TRPM3: variants seen among roughly 807,000 people sequenced by gnomAD.
The protein encoded by TRPM3 is long transient receptor potential channel 3.
In TRPM3, 77 loss-of-function variants were observed where a neutral mutation model predicts 181.2. The ratio of observed to expected loss-of-function variants is 0.42; its 90% CI spans 0.35 to 0.51. The LOEUF is 0.51. Ranked by LOEUF, TRPM3 falls within the 20% of genes least tolerant of loss-of-function variation. TRPM3 has a pLI of 0.01. For missense variants in TRPM3, 1,759 were observed against 2,196.7 expected (o/e 0.80, Z 3.98); for synonymous variants, 745 against 796.4 (o/e 0.94, Z 1.09).
At chr9:71,136,520 C>A (rs192764454) in intron 1 of TRPM3, among the ~76,000 whole-genome samples, 1 of 152,178 alleles carries the variant, frequency 6.6e-6, no homozygotes, top group African/African-American at 2.4e-5. Context: ...CCTACTTCTT[C>A]GCAATCATAC....
chr9:71,059,405 C>G (rs561819), intron 1 of TRPM3, among the ~76,000 whole-genome samples: 76,988 of 151,788 alleles, frequency 0.51, 20,906 homozygotes, highest in African/African-American at 0.71. Flanking sequence ...GACCAAAGGA[C>G]CTAACAGTCT....
At chr9:70,777,565 T>A (rs115341753) in intron 7 of TRPM3, among the ~76,000 whole-genome samples, 2 of 152,296 alleles carry the variant, frequency 1.3e-5, no homozygotes, top group African/African-American at 4.8e-5. Flanking sequence ...CAGGTGGCAA[T>A]ATATCTATGT....
Position 70,576,792 on chromosome 9 carries a change from C to T in TRPM3, c.3223+14239G>A, listed in dbSNP as rs140661480. 5.1e-3 allele frequency among the ~76,000 whole-genome samples: 778 copies of T among 152,242 alleles called. 7 individuals carry two copies. Among genetic ancestry groups the T allele is most frequent in the African/African-American group, 0.016 (683 of 41,524 alleles). On this transcript the variant is annotated intron_variant, in intron 22 of 25. Coordinates refer to ENST00000677713, the MANE Select transcript of TRPM3 (RefSeq NM_001366145.2). ...CCTCCCAAAGTGCTGGGATTACAGG[C>T]GTGAGCCACCACACCCGGCCGCTGC...
chr9:71,406,942 T>A (rs573184788), intron 1 of TRPM3, among the ~76,000 whole-genome samples: 5 of 152,278 alleles, frequency 3.3e-5, no homozygotes, highest in African/African-American at 1.2e-4. Flanking sequence ...GAAGCTCTGA[T>A]CCACACTGAA....
chr9:71,286,921 G>C (rs113650304), intron 1 of TRPM3, among the ~76,000 whole-genome samples: 22 of 141,954 alleles, frequency 1.5e-4, no homozygotes, highest in African/African-American at 5.7e-4. Flanking sequence ...CTTTGACCAC[G>C]ATATACTTTT....
intron 1 of TRPM3, among the ~76,000 whole-genome samples, chr9:71,257,285 G>A (rs2082731381): frequency 6.6e-6 from 1 of 152,130 alleles, no homozygotes; most frequent in African/African-American, 2.4e-5. Flanking sequence ...AGAGAGTTGG[G>A]AGAATATGGC....
chr9:71,231,301 T>C (rs2081033638), intron 1 of TRPM3, among the ~76,000 whole-genome samples: 1 of 152,166 alleles, frequency 6.6e-6, no homozygotes, highest in South Asian at 2.1e-4. Context: ...TAAGAGAATC[T>C]GAGTCAAAGA....
At chr9:70,989,388 A>G (rs965672185) in intron 1 of TRPM3, among the ~76,000 whole-genome samples, 3 of 152,216 alleles carry the variant, frequency 2.0e-5, no homozygotes, top group Non-Finnish European at 4.4e-5. Flanking sequence ...AGTTTGTAAT[A>G]AATCCTCTAC....
chr9:71,109,549 T>C (rs1428943134), intron 1 of TRPM3, among the ~76,000 whole-genome samples: 2 of 152,228 alleles, frequency 1.3e-5, no homozygotes, highest in Admixed American at 1.3e-4. Flanking sequence ...TTTTTATTAT[T>C]TCAATTTATA....
chr9:71,440,108 A>G (rs1359001655), intron 1 of TRPM3, among the ~76,000 whole-genome samples: 3 of 152,088 alleles, frequency 2.0e-5, no homozygotes, highest in Admixed American at 1.3e-4. Context: ...GGGTGACACA[A>G]TGAGACTCCA....
chr9:70,630,934 G>A (rs146322960), intron 12 of TRPM3, among the ~76,000 whole-genome samples: 212 of 149,850 alleles, frequency 1.4e-3, no homozygotes, highest in Middle Eastern at 0.01. Flanking sequence ...CTTCAAAATG[G>A]TTGGGGTTTT....
intron 1 of TRPM3, among the ~76,000 whole-genome samples, chr9:71,379,705 T>TA (rs1380600559): frequency 1.9e-4 from 23 of 121,912 alleles, no homozygotes; most frequent in Non-Finnish European, 3.0e-4. Flanking sequence ...ATCTTTTTTT[T>TA]TAATTCAAAT....
intron 4 of TRPM3, among the ~76,000 whole-genome samples, chr9:70,845,312 T>A (rs984602015): frequency 5.9e-5 from 9 of 152,172 alleles, no homozygotes; most frequent in African/African-American, 2.2e-4. Flanking sequence ...TGATCTTGGC[T>A]CACTGCAGCC....
In TRPM3 at chr9:70,631,361, CTTTTTT is replaced by C. The variant is rs11285828; in HGVS notation, c.1632+3844_1632+3849del. Among the ~76,000 whole-genome samples the C allele has an allele frequency of 1.2e-4, 17 of 136,846 alleles. 1 individual carries two copies. The highest frequency in any genetic ancestry group is 1.5e-4 in the Admixed American group (2 of 13,582). The allele number at this position is 136,846 out of a possible 152,430, so 89.8% of individuals were successfully genotyped here. ...CTTACCCAAAGTGTGTCTGAAATGC[CTTTTTT>C]TTTTTTTTTTTTTATTCTGAAAAGC... On this transcript the variant is annotated intron_variant, in intron 12 of 25. Coordinates refer to ENST00000677713, the MANE Select transcript of TRPM3 (RefSeq NM_001366145.2).
chr9:71,174,940 G>T (rs918680155), intron 1 of TRPM3, among the ~76,000 whole-genome samples: 2 of 152,152 alleles, frequency 1.3e-5, no homozygotes, highest in Non-Finnish European at 2.9e-5. Flanking sequence ...AAGTAGAAGA[G>T]GAGGAGCTGG....
At chr9:70,610,573 C>T (rs1163681112) in intron 19 of TRPM3, 36 bp downstream of exon 19, 1 of 1,600,410 alleles carries the variant, frequency 6.2e-7, no homozygotes. Context: ...CTCCTTGTGG[C>T]CATCCACTAG....
intron 1 of TRPM3, among the ~76,000 whole-genome samples, chr9:71,350,393 A>G (rs2091553815): frequency 6.6e-6 from 1 of 152,170 alleles, no homozygotes; most frequent in Admixed American, 6.5e-5. Context: ...TGGTTTATCA[A>G]TGTTCCAATG....
intron 1 of TRPM3, among the ~76,000 whole-genome samples, chr9:70,918,611 C>G (rs1212291808): frequency 6.6e-6 from 1 of 151,944 alleles, no homozygotes; most frequent in Admixed American, 6.6e-5. Context: ...TGGGATACAG[C>G]AAAAGCAGTA....
At chr9:70,916,785 A>G (rs952513102) in intron 1 of TRPM3, among the ~76,000 whole-genome samples, 3 of 152,252 alleles carry the variant, frequency 2.0e-5, no homozygotes, top group Admixed American at 6.5e-5. Flanking sequence ...AAAATGCTTC[A>G]GCTCAGCAAG....
Sources: gnomAD v4.1 joint callset for allele counts (sites outside exome capture counted in the v4.1 genomes callset) on GRCh38, gnomAD v4.1.1 for gene constraint, MANE v1.5 for transcripts, NCBI Gene and HGNC (gene_info 2026-07-23, HGNC 2026-07-21) for gene names.